PMM2: variants seen among roughly 807,000 people sequenced by gnomAD.
PMM2 encodes the protein phosphomannomutase 2.
A neutral mutation model predicts 33.2 loss-of-function variants in PMM2; 35 were observed. That is an observed-to-expected ratio of 1.06 (90% CI 0.81 to 1.40). The LOEUF is 1.40. PMM2 is among the 40% of genes most tolerant of loss of function. The pLI is 0.00. For synonymous variants in PMM2, 153 were observed against 114.7 expected (o/e 1.33, Z -2.13); for missense variants, 386 against 306.0 (o/e 1.26, Z -1.95).
At chr16:8,804,351 C>G (rs181503133) in intron 2 of PMM2, among the ~76,000 whole-genome samples, 1 of 152,074 alleles carries the variant, frequency 6.6e-6, no homozygotes, top group East Asian at 1.9e-4. Flanking sequence ...ACCCAAAGAG[C>G]TTTTTTAAAA....
intron 2 of PMM2, chr16:8,802,252 C>A: frequency 2.2e-6 from 1 of 453,058 alleles, no homozygotes. Context: ...CATATTGTCC[C>A]TCTGACAGCC....
At chr16:8,831,443 G>T (rs1226742265) in intron 7 of PMM2, among the ~76,000 whole-genome samples, 1 of 152,180 alleles carries the variant, frequency 6.6e-6, no homozygotes, top group East Asian at 1.9e-4. Flanking sequence ...AGGCTGAGGT[G>T]GGAGGATCGC....
At position 8,848,302 on chromosome 16, in the gene PMM2, G is replaced by A. The variant is rs529074146; in HGVS notation, c.*477G>A. 2.4e-4 allele frequency: 45 copies of A among 187,788 alleles called. No homozygotes were observed. The highest frequency in any genetic ancestry group is 3.8e-4 in the Non-Finnish European group (34 of 88,412). The allele number at this position is 187,788 out of a possible 1,614,324, so 11.6% of individuals were successfully genotyped here. Reference sequence around the variant, plus strand: ...CATCTGCAGTGACCCAGCCCAGGACGAAGTTTACAAACACCTCCTGGAACG... The same window carrying A: ...CATCTGCAGTGACCCAGCCCAGGACAAAGTTTACAAACACCTCCTGGAACG... On this transcript the variant is annotated 3_prime_UTR_variant, in exon 8 of 8. Transcript: ENST00000268261.
At chr16:8,802,329 T>C (rs1220890724) in intron 2 of PMM2, 2 of 455,972 alleles carry the variant, frequency 4.4e-6, no homozygotes, top group African/African-American at 4.0e-5. Context: ...GAGAGGCTTA[T>C]TGACCCCTTC....
chr16:8,813,205 C>A (rs945115195), intron 7 of PMM2, 99 bp downstream of exon 7: 1 of 816,908 alleles, frequency 1.2e-6, no homozygotes, highest in African/African-American at 1.7e-5. Flanking sequence ...ACTTTACCCA[C>A]CCGCCCTGCT....
At chr16:8,827,743 T>C (rs954145899) in intron 7 of PMM2, among the ~76,000 whole-genome samples, 6 of 54,190 alleles carry the variant, frequency 1.1e-4, no homozygotes, top group Non-Finnish European at 1.8e-4. Flanking sequence ...TATATATATA[T>C]ATATATATAT....
chr16:8,814,999 C>T (rs539705266), intron 7 of PMM2, among the ~76,000 whole-genome samples: 1 of 152,118 alleles, frequency 6.6e-6, no homozygotes, highest in Admixed American at 6.5e-5. Context: ...CCTCCTCCAC[C>T]GCCCCGTCCC....
At chr16:8,819,432 T>C (rs1417612345) in intron 7 of PMM2, among the ~76,000 whole-genome samples, 1 of 152,210 alleles carries the variant, frequency 6.6e-6, no homozygotes, top group Admixed American at 6.5e-5. Context: ...CAGAGGTTAC[T>C]GTGGGGGTGG....
intron 1 of PMM2, among the ~76,000 whole-genome samples, chr16:8,799,772 T>G (rs2060602184): frequency 2.0e-5 from 3 of 152,070 alleles, no homozygotes; most frequent in Admixed American, 2.0e-4. Context: ...GGTCTCTATC[T>G]CTGGACCTCG....
chr16:8,832,783 G>A (rs2060818517), intron 7 of PMM2: 1 of 985,212 alleles, frequency 1.0e-6, no homozygotes, highest in Non-Finnish European at 1.2e-6. Context: ...AATCTGTGAG[G>A]CCCGCTGTGG....
At position 8,801,903 on chromosome 16, in the gene PMM2, A is replaced by G; in HGVS notation, c.171A>G (p.Gly57=). 1 of 1,552,370 alleles carries G rather than the reference A, an allele frequency of 6.4e-7. No individual in the cohort carries two copies. Among genetic ancestry groups the G allele is most frequent in the South Asian group, 1.1e-5 (1 of 89,526 alleles). The change falls in exon 2 of 8, where the codon GGA becomes GGG. Residue 57 remains glycine, a synonymous_variant. Transcript: ENST00000268261. ...SDFEKVQEQL[G]NDVVEKYDYV... is the part of the protein sequence containing the mutation. ...TTGAGAAAGTGCAGGAGCAACTGGGAAATGATGGTAAATGATGGGTTGCTA... is the reference window on the plus strand; with the variant it reads ...TTGAGAAAGTGCAGGAGCAACTGGGGAATGATGGTAAATGATGGGTTGCTA...
Position 8,811,119 on chromosome 16 carries a change from TC to T in PMM2, c.392del (p.Pro131LeufsTer23), listed in dbSNP as rs1555449607. 1 of 1,577,646 alleles carries T rather than the reference TC, an allele frequency of 6.3e-7. No individual in the cohort carries two copies. The highest frequency in any genetic ancestry group is 1.3e-5 in the African/African-American group (1 of 74,294). On this transcript the variant is annotated frameshift_variant, in exon 5 of 8. Transcript: ENST00000268261. LOFTEE classifies it high-confidence loss of function. The stretch of plus-strand genomic sequence containing the variant: ...ATTCCGAAATGGGATGTTAAACGTG[TC>T]CCCTATTGGAAGAAGCTGCAGCCAA... The part of the protein sequence containing the change: ...IEFRNGMLNV[S>X]PIGRSCSQEE...
chr16:8,827,772 ATATATATATATT>A (rs1445505166), intron 7 of PMM2, among the ~76,000 whole-genome samples: 22 of 54,146 alleles, frequency 4.1e-4, no homozygotes, highest in East Asian at 5.4e-4. Flanking sequence ...GCACACATTT[ATATATATATATT>A]TATATATATT....
At chr16:8,836,027 G>T (rs1378803942) in intron 7 of PMM2, among the ~76,000 whole-genome samples, 3 of 151,066 alleles carry the variant, frequency 2.0e-5, no homozygotes, top group Admixed American at 6.6e-5. Flanking sequence ...TAACTGAAAA[G>T]GAGTGCTTAA....
chr16:8,837,245 G>C (rs936163121), intron 7 of PMM2, among the ~76,000 whole-genome samples: 1 of 151,946 alleles, frequency 6.6e-6, no homozygotes, highest in Non-Finnish European at 1.5e-5. Context: ...ACCTCAGACC[G>C]TTTGCCCATT....
intron 5 of PMM2, 52 bp from the exon 6 acceptor site, chr16:8,811,586 G>A (rs2060677806): frequency 4.4e-6 from 5 of 1,136,058 alleles, no homozygotes; most frequent in Middle Eastern, 2.0e-4. Flanking sequence ...TTAAAACTGT[G>A]CTTTCTAAAC....
At chr16:8,821,422 G>C (rs1554896) in intron 7 of PMM2, among the ~76,000 whole-genome samples, 36,623 of 152,178 alleles carry the variant, frequency 0.24, 4,685 homozygotes, top group South Asian at 0.33. Flanking sequence ...CCCAGGAATA[G>C]GACTGTGGCT....
At chr16:8,825,846 C>G (rs1015316501) in intron 7 of PMM2, among the ~76,000 whole-genome samples, 1 of 149,612 alleles carries the variant, frequency 6.7e-6, no homozygotes, top group African/African-American at 2.5e-5. Context: ...ACCTCTGCCT[C>G]TCAGGTTCAA....
chr16:8,844,161 C>T (rs917597384), intron 7 of PMM2, among the ~76,000 whole-genome samples: 3 of 152,076 alleles, frequency 2.0e-5, no homozygotes, highest in East Asian at 1.9e-4. Context: ...TGGGGTCAAG[C>T]GGCATTGCAG....
Sources: gnomAD v4.1 joint callset for allele counts (sites outside exome capture counted in the v4.1 genomes callset) on GRCh38, gnomAD v4.1.1 for gene constraint, MANE v1.5 for transcripts, NCBI Gene and HGNC (gene_info 2026-07-23, HGNC 2026-07-21) for gene names.